MELK: variants seen among roughly 807,000 people sequenced by gnomAD.
The protein encoded by MELK is maternal embryonic leucine zipper kinase, also known as pEg3 kinase.
Under a neutral mutation model 85.0 loss-of-function variants are expected in MELK, and 81 were observed. The ratio of observed to expected loss-of-function variants is 0.95; its 90% confidence interval spans 0.80 to 1.15. MELK has a LOEUF of 1.15. Ranked by LOEUF, MELK falls within the 50% of genes most tolerant of loss-of-function variation. The pLI is 0.00. For missense variants in MELK, 754 were observed against 777.5 expected (o/e 0.97, Z 0.36); for synonymous variants, 252 against 265.0 (o/e 0.95, Z 0.48).
intron 8 of MELK, among the ~76,000 whole-genome samples, chr9:36,608,703 T>C (rs920237290): frequency 2.0e-5 from 3 of 152,106 alleles, no homozygotes; most frequent in Non-Finnish European, 4.4e-5. Flanking sequence ...TGTCTCAGCC[T>C]CCCTAGTAGC....
At chr9:36,613,650 C>T (rs774218343) in intron 8 of MELK, among the ~76,000 whole-genome samples, 93 of 151,984 alleles carry the variant, frequency 6.1e-4, no homozygotes, top group Non-Finnish European at 7.8e-4. Context: ...TTCATGGAGG[C>T]GAGATGTAAG....
At chr9:36,607,499 G>T in intron 7 of MELK, 76 bp from the exon 8 acceptor site, 1 of 1,068,896 alleles carries the variant, frequency 9.4e-7, no homozygotes, top group Non-Finnish European at 1.4e-6. Context: ...TCTGTGATTG[G>T]ATCAAGAGTC....
At chr9:36,648,439 G>T (rs1830412729) in intron 11 of MELK, among the ~76,000 whole-genome samples, 1 of 152,226 alleles carries the variant, frequency 6.6e-6, no homozygotes. Flanking sequence ...TAGAACCCTA[G>T]ATTCCTTTCT....
intron 7 of MELK, among the ~76,000 whole-genome samples, chr9:36,605,574 A>G (rs1040880700): frequency 6.6e-6 from 1 of 152,002 alleles, no homozygotes; most frequent in Non-Finnish European, 1.5e-5. Context: ...TAGATTAAAT[A>G]TTTGACATCT....
chr9:36,646,447 C>T (rs750302880), intron 11 of MELK, among the ~76,000 whole-genome samples: 2 of 152,180 alleles, frequency 1.3e-5, no homozygotes, highest in Non-Finnish European at 2.9e-5. Context: ...CTTATAAGAA[C>T]TCCCACTTTT....
intron 8 of MELK, among the ~76,000 whole-genome samples, chr9:36,619,708 T>C (rs558359014): frequency 4.6e-5 from 7 of 152,318 alleles, no homozygotes; most frequent in African/African-American, 1.7e-4. Context: ...CAGGTCTAAG[T>C]GTCTGTAGGT....
At chr9:36,649,777 G>A (rs998571346) in intron 11 of MELK, among the ~76,000 whole-genome samples, 1 of 151,844 alleles carries the variant, frequency 6.6e-6, no homozygotes, top group African/African-American at 2.4e-5. Flanking sequence ...TCAAAAAAAG[G>A]GAAAATAATG....
chr9:36,643,118 C>T (rs1587540833), intron 11 of MELK, 35 bp downstream of exon 11: 1 of 1,569,072 alleles, frequency 6.4e-7, no homozygotes, highest in Non-Finnish European at 8.7e-7. Context: ...CGCAGTGGCT[C>T]ACGCCTGTAA....
At chr9:36,577,933 G>A (rs959475524) in intron 1 of MELK, among the ~76,000 whole-genome samples, 1 of 152,154 alleles carries the variant, frequency 6.6e-6, no homozygotes, top group African/African-American at 2.4e-5. Context: ...GATTACAAGT[G>A]TGAGCCACTG....
intron 10 of MELK, among the ~76,000 whole-genome samples, chr9:36,636,785 TG>T (rs1213267556): frequency 3.8e-4 from 42 of 109,230 alleles, no homozygotes; most frequent in South Asian, 8.7e-4. Flanking sequence ...TCTTTCTTTC[TG>T]TCTGTCTTTC....
chr9:36,630,937 A>G (rs1828526790), intron 9 of MELK, among the ~76,000 whole-genome samples: 1 of 146,290 alleles, frequency 6.8e-6, no homozygotes, highest in Non-Finnish European at 1.5e-5. Context: ...TATAGGCGTG[A>G]GCCTCTACAC....
intron 12 of MELK, 63 bp downstream of exon 12, chr9:36,651,940 C>G (rs1830745399): frequency 1.4e-6 from 2 of 1,407,508 alleles, no homozygotes; most frequent in Admixed American, 2.3e-5. Flanking sequence ...GTGTATACCA[C>G]TGGGAAGGTA....
intron 8 of MELK, among the ~76,000 whole-genome samples, chr9:36,614,196 A>G (rs576117832): frequency 3.8e-4 from 58 of 151,812 alleles, no homozygotes; most frequent in Admixed American, 3.4e-3. Flanking sequence ...CCTGGGTTCA[A>G]GTGATTCTCC....
intron 17 of MELK, 100 bp from the exon 18 acceptor site, chr9:36,677,060 A>G: frequency 9.8e-7 from 1 of 1,021,552 alleles, no homozygotes. Flanking sequence ...TTAATATGAA[A>G]TAATGGTTCA....
intron 17 of MELK, among the ~76,000 whole-genome samples, chr9:36,675,665 T>TA (rs1314841639): frequency 2.6e-5 from 4 of 152,304 alleles, no homozygotes; most frequent in African/African-American, 9.6e-5. Flanking sequence ...TTTTTCACCT[T>TA]ACCTCTCTCC....
chr9:36,632,537 C>G (rs765543987), intron 9 of MELK, among the ~76,000 whole-genome samples: 5 of 152,102 alleles, frequency 3.3e-5, no homozygotes, highest in Non-Finnish European at 7.4e-5. Flanking sequence ...GCTCACTCAC[C>G]TTGATTAAGT....
chr9:36,631,464 C>T (rs1828609262), intron 9 of MELK, among the ~76,000 whole-genome samples: 1 of 152,066 alleles, frequency 6.6e-6, no homozygotes, highest in Admixed American at 6.5e-5. Flanking sequence ...TGGGGTTTCA[C>T]CATGTTGTCC....
intron 7 of MELK, among the ~76,000 whole-genome samples, chr9:36,602,213 C>T (rs1564146029): frequency 6.6e-6 from 1 of 152,064 alleles, no homozygotes; most frequent in Non-Finnish European, 1.5e-5. Flanking sequence ...TTCACATGGG[C>T]TGGGCGCGGT....
chr9:36,599,368 A>T, intron 6 of MELK, 26 bp from the exon 7 acceptor site: 1 of 1,451,138 alleles, frequency 6.9e-7, no homozygotes, highest in South Asian at 1.2e-5. Flanking sequence ...TGTAATTAAT[A>T]AGTTTCATTT....
Sources: allele counts gnomAD v4.1 joint callset (sites outside exome capture counted in the v4.1 genomes callset), GRCh38; gene constraint gnomAD v4.1.1; transcripts MANE v1.5; gene names NCBI Gene and HGNC (gene_info 2026-07-23, HGNC 2026-07-21).